STAG1: variants seen among roughly 807,000 people sequenced by gnomAD.
The protein encoded by STAG1 is STAG1 cohesin complex component.
In STAG1, 26 loss-of-function variants were observed where a neutral mutation model predicts 170.9. The ratio of observed to expected loss-of-function variants is 0.15; its 90% CI spans 0.11 to 0.21. STAG1 has a LOEUF of 0.21. Ranked by LOEUF, STAG1 falls within the 10% of genes least tolerant of loss-of-function variation. The pLI is 1.00. For synonymous variants in STAG1, 514 were observed against 497.7 expected (o/e 1.03, Z -0.44); for missense variants, 964 against 1,509.5 (o/e 0.64, Z 5.99).
At chr3:136,735,792 G>A (rs555161119) in intron 1 of STAG1, among the ~76,000 whole-genome samples, 71 of 152,256 alleles carry the variant, frequency 4.7e-4, no homozygotes, top group South Asian at 3.9e-3. Flanking sequence ...TTTTCTGGGG[G>A]TGGTGGGAGG....
chr3:136,432,042 A>G (rs764991864), intron 16 of STAG1, among the ~76,000 whole-genome samples: 4 of 152,070 alleles, frequency 2.6e-5, no homozygotes, highest in African/African-American at 7.2e-5. Context: ...CCCATTATAC[A>G]TATTTCAGTG....
intron 1 of STAG1, among the ~76,000 whole-genome samples, chr3:136,673,183 A>G (rs888442119): frequency 3.3e-5 from 5 of 152,234 alleles, no homozygotes; most frequent in African/African-American, 1.2e-4. Context: ...TAGAAGCAGC[A>G]AAGTTGAATT....
intron 22 of STAG1, among the ~76,000 whole-genome samples, chr3:136,396,849 T>A (rs1398491715): frequency 6.6e-6 from 1 of 152,200 alleles, no homozygotes; most frequent in Admixed American, 6.5e-5. Context: ...AAAGTGGCTT[T>A]CATTACTAAT....
intron 1 of STAG1, chr3:136,736,498 C>A: frequency 1.1e-5 from 15 of 1,383,516 alleles, no homozygotes; most frequent in Non-Finnish European, 1.5e-5. Context: ...GGTGGTCATT[C>A]ACGCTGCTCC....
intron 1 of STAG1, among the ~76,000 whole-genome samples, chr3:136,633,806 A>G (rs976131509): frequency 3.3e-5 from 5 of 149,714 alleles, no homozygotes; most frequent in Non-Finnish European, 5.9e-5. Flanking sequence ...GGCAGAATAT[A>G]TAGAGACTCC....
chr3:136,393,237 CAGGGAAAAAATTAA>C (rs1297424328), intron 22 of STAG1, among the ~76,000 whole-genome samples: 1 of 152,068 alleles, frequency 6.6e-6, no homozygotes, highest in African/African-American at 2.4e-5. Context: ...ATTTAAACTT[CAGGGAAAAAATTAA>C]GGGGAAAAAA....
rs559472283 is a variant in STAG1, at chr3:136,731,651, A to G, written c.-84+20544T>C. On this transcript the variant is annotated intron_variant, in intron 1 of 33. Transcript: ENST00000383202. ...TATGCCCCTCCTTGTGTACTTCGGG[A>G]AAACAAGAACTGTGCTTCAATGTCT... Among the ~76,000 whole-genome samples the G allele has an allele frequency of 3.1e-3, 476 of 152,350 alleles. 6 individuals are homozygous for G. The highest frequency in any genetic ancestry group is 0.011 in the African/African-American group (460 of 41,582).
intron 3 of STAG1, among the ~76,000 whole-genome samples, chr3:136,605,988 A>T (rs1178118462): frequency 6.6e-6 from 1 of 152,082 alleles, no homozygotes. Flanking sequence ...CTGTGTGTGG[A>T]TTAATATATA....
chr3:136,587,804 A>G (rs1937917954), intron 4 of STAG1, among the ~76,000 whole-genome samples: 1 of 151,956 alleles, frequency 6.6e-6, no homozygotes, highest in South Asian at 2.1e-4. Context: ...AAAACACAAA[A>G]ATTAGCCAGC....
At chr3:136,670,754 G>A (rs994908766) in intron 1 of STAG1, among the ~76,000 whole-genome samples, 1 of 151,932 alleles carries the variant, frequency 6.6e-6, no homozygotes, top group African/African-American at 2.4e-5. Flanking sequence ...TTACAGGTCT[G>A]AGCCACCATG....
intron 14 of STAG1, among the ~76,000 whole-genome samples, chr3:136,446,006 A>C (rs2088767048): frequency 6.6e-6 from 1 of 152,220 alleles, no homozygotes; most frequent in Admixed American, 6.5e-5. Context: ...ACTCATGCTG[A>C]AAATATTGCT....
intron 1 of STAG1, among the ~76,000 whole-genome samples, chr3:136,742,663 A>C (rs1934729874): frequency 1.3e-5 from 2 of 151,636 alleles, no homozygotes; most frequent in African/African-American, 4.8e-5. Flanking sequence ...TTCAGTGAGC[A>C]GAGATTGCGC....
At chr3:136,729,769 G>A (rs1220291373) in intron 1 of STAG1, among the ~76,000 whole-genome samples, 1 of 150,032 alleles carries the variant, frequency 6.7e-6, no homozygotes, top group East Asian at 2.0e-4. Context: ...AGTAGAGACA[G>A]GATTTTGCTA....
At chr3:136,457,517 T>C (rs1042849173) in intron 13 of STAG1, among the ~76,000 whole-genome samples, 3 of 152,146 alleles carry the variant, frequency 2.0e-5, no homozygotes, top group African/African-American at 7.2e-5. Flanking sequence ...CTCCCAGAGC[T>C]CGGGGCCTTC....
At chr3:136,414,846 G>C (rs2087727794) in intron 21 of STAG1, among the ~76,000 whole-genome samples, 2 of 152,120 alleles carry the variant, frequency 1.3e-5, no homozygotes, top group African/African-American at 4.8e-5. Flanking sequence ...GAACATTAAG[G>C]AACATTGTAG....
At chr3:136,632,208 G>A (rs575410436) in intron 1 of STAG1, among the ~76,000 whole-genome samples, 1 of 152,298 alleles carries the variant, frequency 6.6e-6, no homozygotes, top group Admixed American at 6.5e-5. Context: ...AAATCGATGA[G>A]TAGAAAACTT....
intron 9 of STAG1, among the ~76,000 whole-genome samples, chr3:136,477,634 A>G (rs1048024950): frequency 6.6e-6 from 1 of 152,166 alleles, no homozygotes; most frequent in East Asian, 1.9e-4. Context: ...ATTTTGACCC[A>G]ATTACTCTAT....
intron 5 of STAG1, among the ~76,000 whole-genome samples, chr3:136,544,607 A>G (rs1336204435): frequency 6.6e-6 from 1 of 152,012 alleles, no homozygotes; most frequent in Non-Finnish European, 1.5e-5. Context: ...TACTAAAAAT[A>G]CAAAAAAACA....
intron 25 of STAG1, among the ~76,000 whole-genome samples, chr3:136,364,773 A>C (rs1188979614): frequency 6.6e-6 from 1 of 152,242 alleles, no homozygotes; most frequent in Non-Finnish European, 1.5e-5. Context: ...ATTGTTTCCA[A>C]GCTAAAGTCT....
Sources: gnomAD v4.1 joint callset for allele counts (sites outside exome capture counted in the v4.1 genomes callset) on GRCh38, gnomAD v4.1.1 for gene constraint, MANE v1.5 for transcripts, NCBI Gene and HGNC (gene_info 2026-07-23, HGNC 2026-07-21) for gene names.